The following ERC2 variants were observed in gnomAD, a reference collection of about 807,000 sequenced individuals.
The protein encoded by ERC2 is ERC protein 2.
In ERC2, 42 loss-of-function variants were observed where a neutral mutation model predicts 114.8. That is an observed-to-expected ratio of 0.37 (90% CI 0.29 to 0.47). The LOEUF (loss-of-function observed/expected upper bound fraction) is 0.47. Ranked by LOEUF, ERC2 falls within the 20% of genes least tolerant of loss-of-function variation. The pLI, the probability that ERC2 is intolerant of heterozygous loss-of-function variation, is 0.99. For synonymous variants in ERC2, 454 were observed against 425.5 expected, an observed-to-expected ratio of 1.07 and a Z score of -0.82; for missense variants, 939 against 1,150.7, an observed-to-expected ratio of 0.82 and a Z score of 2.66.
chr3:55,533,370 G>A (rs1415978276), intron 17 of ERC2, among the ~76,000 whole-genome samples: 4 of 152,166 alleles, frequency 2.6e-5, no homozygotes, highest in African/African-American at 4.8e-5. Flanking sequence ...CTCTGTGTCC[G>A]GAATGATACT....
intron 6 of ERC2, among the ~76,000 whole-genome samples, chr3:56,110,154 T>G (rs2078884197): frequency 6.6e-6 from 1 of 152,222 alleles, no homozygotes; most frequent in African/African-American, 2.4e-5. Context: ...GATAGTGTTA[T>G]GCTGAACATT....
chr3:56,037,355 T>C (rs1047378930), intron 7 of ERC2, among the ~76,000 whole-genome samples: 3 of 152,080 alleles, frequency 2.0e-5, no homozygotes, highest in African/African-American at 4.8e-5. Flanking sequence ...GAGAGGAACA[T>C]AAATGACTTG....
intron 17 of ERC2, among the ~76,000 whole-genome samples, chr3:55,535,477 C>T (rs1244314365): frequency 6.6e-6 from 1 of 152,028 alleles, no homozygotes; most frequent in East Asian, 1.9e-4. Context: ...AGGGGTGTTG[C>T]CAGAGCAAAA....
intron 12 of ERC2, among the ~76,000 whole-genome samples, chr3:55,975,904 C>T (rs879695532): frequency 1.3e-5 from 2 of 152,126 alleles, no homozygotes; most frequent in Non-Finnish European, 2.9e-5. Context: ...TTTTCTAGTC[C>T]AGCACAAATA....
intron 3 of ERC2, among the ~76,000 whole-genome samples, chr3:56,213,282 C>T (rs1050952725): frequency 6.6e-6 from 1 of 152,212 alleles, no homozygotes; most frequent in East Asian, 1.9e-4. Flanking sequence ...AAAGGGGTGA[C>T]AGATGGCACC....
chr3:56,087,384 C>G (rs1302225494), intron 6 of ERC2, among the ~76,000 whole-genome samples: 1 of 152,074 alleles, frequency 6.6e-6, no homozygotes, highest in Non-Finnish European at 1.5e-5. Flanking sequence ...ATCTTCATGT[C>G]AGCACCCAGG....
chr3:55,876,512 C>A (rs1321016610), intron 14 of ERC2, among the ~76,000 whole-genome samples: 3 of 152,074 alleles, frequency 2.0e-5, no homozygotes, highest in African/African-American at 7.2e-5. Flanking sequence ...GATCTGGCTA[C>A]CCAGAGGGAT....
intron 3 of ERC2, among the ~76,000 whole-genome samples, chr3:56,275,249 C>T (rs1460736879): frequency 2.0e-5 from 3 of 152,110 alleles, no homozygotes; most frequent in African/African-American, 7.2e-5. Flanking sequence ...GCTGGCAGAG[C>T]ACTAACTCAA....
intron 7 of ERC2, among the ~76,000 whole-genome samples, chr3:56,074,717 C>T (rs1396983384): frequency 1.3e-5 from 2 of 152,184 alleles, no homozygotes; most frequent in African/African-American, 4.8e-5. Context: ...GGTACAGCAA[C>T]AGCCATTTCC....
chr3:55,540,125 G>T (rs1024554206), intron 17 of ERC2, among the ~76,000 whole-genome samples: 2 of 152,088 alleles, frequency 1.3e-5, no homozygotes, highest in African/African-American at 4.8e-5. Flanking sequence ...GCATTTCCAG[G>T]CTAATGCCTG....
chr3:56,308,430 A>G (rs926728158), intron 2 of ERC2, among the ~76,000 whole-genome samples: 3 of 152,272 alleles, frequency 2.0e-5, no homozygotes, highest in Non-Finnish European at 4.4e-5. Flanking sequence ...GCCAACGTTT[A>G]TAAGAGTGAC....
At chr3:55,799,767 T>A (rs975589626) in intron 14 of ERC2, among the ~76,000 whole-genome samples, 1 of 152,072 alleles carries the variant, frequency 6.6e-6, no homozygotes, top group African/African-American at 2.4e-5. Flanking sequence ...GTTGGAATAA[T>A]GTTTGCTTCC....
chr3:56,017,789 C>G (rs147356402), intron 8 of ERC2, among the ~76,000 whole-genome samples: 77 of 152,278 alleles, frequency 5.1e-4, no homozygotes, highest in Middle Eastern at 3.4e-3. Context: ...CCACTAGAGT[C>G]TAAACTCCAT....
intron 13 of ERC2, among the ~76,000 whole-genome samples, chr3:55,906,429 C>T: frequency 1.0e-5 from 1 of 97,732 alleles, no homozygotes; most frequent in Admixed American, 1.2e-4. Context: ...GAGACTCTGT[C>T]TCAAAAAAAA....
chr3:55,689,439 T>C (rs369265065), intron 16 of ERC2, among the ~76,000 whole-genome samples: 25 of 152,116 alleles, frequency 1.6e-4, no homozygotes, highest in Non-Finnish European at 3.1e-4. Context: ...CCAACAATAT[T>C]GTTTGGGAGC....
chr3:56,381,740 AGTAAGGTGG>A (rs2059759936), intron 2 of ERC2, among the ~76,000 whole-genome samples: 1 of 150,588 alleles, frequency 6.6e-6, no homozygotes, highest in African/African-American at 2.4e-5. Flanking sequence ...ATAGAAAAAA[AGTAAGGTGG>A]AAAAAGAAAA....
At chr3:56,261,829 C>A (rs1431873571) in intron 3 of ERC2, among the ~76,000 whole-genome samples, 2 of 151,962 alleles carry the variant, frequency 1.3e-5, no homozygotes, top group Non-Finnish European at 2.9e-5. Flanking sequence ...GTCTAGTATC[C>A]ATTATTTATT....
chr3:55,766,020 G>T (rs1473038322), intron 14 of ERC2, among the ~76,000 whole-genome samples: 2 of 152,222 alleles, frequency 1.3e-5, no homozygotes, highest in Non-Finnish European at 1.5e-5. Flanking sequence ...AGAATCTGCT[G>T]AGGCTCAGAA....
intron 3 of ERC2, among the ~76,000 whole-genome samples, chr3:56,222,140 C>T (rs191299695): frequency 8.7e-4 from 132 of 152,204 alleles, no homozygotes; most frequent in East Asian, 1.5e-3. Context: ...ACATAGGACT[C>T]CAGATACTGA....
Sources: allele counts gnomAD v4.1 joint callset (sites outside exome capture counted in the v4.1 genomes callset), GRCh38; gene constraint gnomAD v4.1.1; transcripts MANE v1.5; gene names NCBI Gene and HGNC (gene_info 2026-07-23, HGNC 2026-07-21).